The following ATP5PO variants were observed in gnomAD, a reference collection of about 807,000 sequenced individuals.
The protein encoded by ATP5PO is ATP synthase peripheral stalk subunit OSCP.
In ATP5PO, 14 loss-of-function variants were observed where a neutral mutation model predicts 26.2. The ratio of observed to expected loss-of-function variants is 0.53; its 90% CI spans 0.35 to 0.83. The LOEUF (loss-of-function observed/expected upper bound fraction) is 0.83, where lower values mean the gene tolerates loss of function less well. Among genes scored for constraint, ATP5PO ranks in the 40% least tolerant of loss-of-function variants. The pLI is 0.01. For synonymous variants in ATP5PO, 106 were observed against 95.1 expected, an observed-to-expected ratio of 1.12 and a Z score of -0.67; for missense variants, 241 against 258.5, an observed-to-expected ratio of 0.93 and a Z score of 0.46.
chr21:33,903,531 C>A lies in ATP5PO; in HGVS notation c.637G>T (p.Val213Phe), dbSNP rs142550850. 7 of 1,611,656 alleles carry A rather than the reference C, an allele frequency of 4.3e-6. No homozygotes were observed. The African/African-American group carries it at 9.3e-5, about 22-fold the overall frequency. The stretch of plus-strand genomic sequence containing the variant: ...ATGGCAGAAAACCAACACTTTTAGA[C>A]AATCTCCCGCATAGCCCTGCCCAGC... Reference protein sequence around the residue: ...QKLGRAMREIV With the variant: ...QKLGRAMREIF Residue 213 changes from valine (V) to phenylalanine (F), a missense_variant, in exon 7 of 7, where the codon GTC (valine) becomes TTC (phenylalanine). This residue lies in a region of ATP5PO where 77 missense variants were observed against 74.5 expected (regional missense o/e 1.03). Transcript: ENST00000290299.
intron 5 of ATP5PO, among the ~76,000 whole-genome samples, chr21:33,904,319 A>C (rs930365456): frequency 3.3e-5 from 5 of 152,200 alleles, no homozygotes; most frequent in Non-Finnish European, 4.4e-5. Flanking sequence ...ACAACTTGGA[A>C]CTAACAAGGA....
intron 3 of ATP5PO, 133 bp from the exon 4 acceptor site, chr21:33,909,344 A>G: frequency 8.2e-6 from 8 of 981,386 alleles, no homozygotes; most frequent in Non-Finnish European, 1.2e-5. Flanking sequence ...GCAGTGGCGC[A>G]ATCTTGGCTC....
chr21:33,906,176 C>T (rs1384954118), intron 5 of ATP5PO, among the ~76,000 whole-genome samples: 1 of 152,112 alleles, frequency 6.6e-6, no homozygotes, highest in African/African-American at 2.4e-5. Context: ...GATGCCTCTC[C>T]TTGAATCTGT....
intron 1 of ATP5PO, chr21:33,914,761 G>GT (rs1412342657): frequency 2.4e-6 from 1 of 412,454 alleles, no homozygotes; most frequent in African/African-American, 2.0e-5. Flanking sequence ...TAGCATACCC[G>GT]TAAGACAGAA....
intron 6 of ATP5PO, 49 bp from the exon 7 acceptor site, chr21:33,903,688 GAC>G (rs2148604805): frequency 6.3e-7 from 1 of 1,580,388 alleles, no homozygotes; most frequent in Non-Finnish European, 8.7e-7. Context: ...AATCAAATGG[GAC>G]ACACAAAAAA....
At chr21:33,905,928 A>AAAAAAAAAAAAAAAAAAAAAAAAAAAAC (rs1987165619) in intron 5 of ATP5PO, among the ~76,000 whole-genome samples, 1 of 150,728 alleles carries the variant, frequency 6.6e-6, no homozygotes, top group East Asian at 1.9e-4. Flanking sequence ...GAAAAAAAAA[A>AAAAAAAAAAAAAAAAAAAAAAAAAAAAC]AAAAAAAAAA....
intron 5 of ATP5PO, 138 bp downstream of exon 5, chr21:33,907,203 T>C (rs1255679720): frequency 4.1e-6 from 3 of 733,692 alleles, no homozygotes; most frequent in Non-Finnish European, 6.8e-6. Context: ...GAAGCTGATA[T>C]AAAAATGAAA....
Position 33,914,452 on chromosome 21 carries a change from T to G in ATP5PO, c.85A>C (p.Arg29=). The change falls in exon 2 of 7, where the codon AGG becomes CGG. Residue 29 remains arginine (R), a splice_region_variant and synonymous_variant. Transcript: ENST00000290299. ...CAGAAGAATATAAATTAACATACCCTCACAAGCTTGGCAAATGGTCTGACC... is the reference window on the plus strand; with the variant it reads ...CAGAAGAATATAAATTAACATACCCGCACAAGCTTGGCAAATGGTCTGACC... ...SVVRPFAKLV[R]PPVQVYGIEG... The G allele has an allele frequency of 6.2e-7, 1 of 1,612,754 alleles. No homozygotes were observed. The highest frequency in any genetic ancestry group is 8.5e-7 in the Non-Finnish European group (1 of 1,179,218).
chr21:33,908,727 C>G (rs115284249), intron 4 of ATP5PO: 1 of 169,912 alleles, frequency 5.9e-6, no homozygotes, highest in African/African-American at 2.4e-5. Flanking sequence ...AAAAGCAGTC[C>G]AAATGTACCC....
intron 1 of ATP5PO, 187 bp downstream of exon 1, chr21:33,915,541 C>G: frequency 1.2e-6 from 1 of 849,790 alleles, no homozygotes; most frequent in Non-Finnish European, 1.7e-6. Flanking sequence ...CCCGCGCCTA[C>G]TGCCCCGTAG....
chr21:33,906,253 C>T (rs1987171121), intron 5 of ATP5PO, among the ~76,000 whole-genome samples: 1 of 152,164 alleles, frequency 6.6e-6, no homozygotes, highest in African/African-American at 2.4e-5. Context: ...TCAGGTGCTA[C>T]GAATTCCAAG....
rs1602777008 is a variant in ATP5PO, at chr21:33,915,594, A to G, written c.36+134T>C. On this transcript the variant is annotated intron_variant, in intron 1 of 6. Coordinates refer to ENST00000290299, the MANE Select transcript of ATP5PO (RefSeq NM_001697.3). ...CGCTGGGTCGTCCTGAGTCGCTCCC[A>G]CTCGCCAGGTCCCATAACCTTGAAG... is the stretch of plus-strand genomic sequence containing the variant. 6.7e-6 allele frequency: 9 copies of G among 1,350,064 alleles called. No homozygotes were observed. In the East Asian group the frequency reaches 2.4e-4, roughly 36 times the overall value. 83.6% of individuals were successfully genotyped at this position (1,350,064 alleles called of 1,614,324 possible).
intron 1 of ATP5PO, 124 bp from the exon 2 acceptor site, chr21:33,914,624 A>G: frequency 1.2e-6 from 1 of 847,260 alleles, no homozygotes; most frequent in South Asian, 1.7e-5. Context: ...TTGTATATTC[A>G]CATATTACAT....
chr21:33,914,617 T>C, intron 1 of ATP5PO, 117 bp from the exon 2 acceptor site: 1 of 901,088 alleles, frequency 1.1e-6, no homozygotes, highest in Non-Finnish European at 1.7e-6. Flanking sequence ...TGTCTCTTTG[T>C]ATATTCACAT....
At chr21:33,914,244 T>G (rs886782359) in intron 2 of ATP5PO, among the ~76,000 whole-genome samples, 23 of 152,110 alleles carry the variant, frequency 1.5e-4, no homozygotes, top group African/African-American at 5.3e-4. Context: ...GTTTTCATAT[T>G]TAAAGATTAT....
chr21:33,911,412 C>T (rs1238987227), intron 3 of ATP5PO, among the ~76,000 whole-genome samples: 1 of 152,182 alleles, frequency 6.6e-6, no homozygotes, highest in Non-Finnish European at 1.5e-5. Flanking sequence ...TCTTCCCTCA[C>T]ATTTTGGGAA....
intron 5 of ATP5PO, among the ~76,000 whole-genome samples, chr21:33,905,918 G>GAAAAAA (rs59334506): frequency 0.042 from 4,141 of 98,258 alleles, 434 homozygotes; most frequent in African/African-American, 0.15. Flanking sequence ...TCTCAAAAAA[G>GAAAAAA]AAAAAAAAAA....
intron 1 of ATP5PO, chr21:33,915,453 C>T: frequency 2.0e-6 from 1 of 511,842 alleles, no homozygotes. Flanking sequence ...GAAGGGCAGA[C>T]CCCCTCTCCT....
intron 3 of ATP5PO, among the ~76,000 whole-genome samples, chr21:33,911,337 T>C (rs961197969): frequency 1.3e-5 from 2 of 152,210 alleles, no homozygotes; most frequent in African/African-American, 4.8e-5. Context: ...GTCAGTCCTC[T>C]ACTACTACTG....
Sources: allele counts gnomAD v4.1 joint callset (sites outside exome capture counted in the v4.1 genomes callset), GRCh38; gene constraint gnomAD v4.1.1; regional missense constraint gnomAD v4.1.1; transcripts MANE v1.5; gene names NCBI Gene and HGNC (gene_info 2026-07-23, HGNC 2026-07-21).